ANO3: variants seen among roughly 807,000 people sequenced by gnomAD.
The protein encoded by ANO3 is anoctamin-3.
A neutral mutation model predicts 144.8 loss-of-function variants in ANO3; 99 were observed. The ratio of observed to expected loss-of-function variants is 0.68; its 90% CI spans 0.58 to 0.81. The LOEUF is 0.81. ANO3 is among the 30% of genes least tolerant of loss of function. The probability of loss-of-function intolerance (pLI) is 0.00; values close to 1 mark genes in which losing one functional copy is unlikely to be tolerated. For synonymous variants in ANO3, 414 were observed against 392.6 expected (o/e 1.05, Z -0.64); for missense variants, 905 against 1,202.2 (o/e 0.75, Z 3.66).
intron 4 of ANO3, among the ~76,000 whole-genome samples, chr11:26,471,808 A>G (rs1329227028): frequency 6.6e-6 from 1 of 151,988 alleles, no homozygotes; most frequent in Non-Finnish European, 1.5e-5. Flanking sequence ...TATTTCATAT[A>G]TGATACAAAG....
chr11:26,510,026 C>A (rs890060672), intron 5 of ANO3, among the ~76,000 whole-genome samples: 1 of 150,646 alleles, frequency 6.6e-6, no homozygotes, highest in Non-Finnish European at 1.5e-5. Flanking sequence ...CCCAGCTACT[C>A]TGGAGGCTGA....
At chr11:26,339,671 G>A (rs1190540494) in intron 1 of ANO3, among the ~76,000 whole-genome samples, 1 of 152,108 alleles carries the variant, frequency 6.6e-6, no homozygotes, top group Non-Finnish European at 1.5e-5. Flanking sequence ...TTGATCATGG[G>A]TAGTTCCCTG....
intron 26 of ANO3, among the ~76,000 whole-genome samples, chr11:26,658,825 A>G (rs770592055): frequency 1.6e-4 from 25 of 152,170 alleles, no homozygotes; most frequent in Non-Finnish European, 2.8e-4. Context: ...TCTACTTTGC[A>G]GTACAGTCTC....
chr11:26,556,369 A>C (rs559266242), intron 13 of ANO3, among the ~76,000 whole-genome samples: 1 of 144,808 alleles, frequency 6.9e-6, no homozygotes, highest in South Asian at 2.3e-4. Context: ...TTTAACAAAC[A>C]TGTACTCAAT....
At chr11:26,406,550 G>A (rs1027805693) in intron 1 of ANO3, among the ~76,000 whole-genome samples, 1 of 151,736 alleles carries the variant, frequency 6.6e-6, no homozygotes, top group Non-Finnish European at 1.5e-5. Context: ...CAGTTCATAT[G>A]GATCTACCTC....
At chr11:26,644,228 C>G (rs544334054) in intron 23 of ANO3, among the ~76,000 whole-genome samples, 2 of 152,286 alleles carry the variant, frequency 1.3e-5, no homozygotes, top group Admixed American at 1.3e-4. Context: ...ATCCAATATG[C>G]TATTTCATAA....
At chr11:26,258,709 G>A (rs1421487980) in intron 1 of ANO3, among the ~76,000 whole-genome samples, 1 of 152,134 alleles carries the variant, frequency 6.6e-6, no homozygotes, top group African/African-American at 2.4e-5. Flanking sequence ...ACAGAATTAA[G>A]ATGCAAGGTT....
chr11:26,549,431 G>A (rs1051113490), intron 12 of ANO3, among the ~76,000 whole-genome samples: 1 of 151,892 alleles, frequency 6.6e-6, no homozygotes, highest in African/African-American at 2.4e-5. Flanking sequence ...ATGGTGGGTG[G>A]GGGAAGGAGA....
rs1469443044 is a variant in ANO3, at chr11:26,608,393, C to T, written c.1836+8679C>T. On this transcript the variant is annotated intron_variant, in intron 17 of 26. Coordinates refer to ENST00000256737, the MANE Select transcript of ANO3 (RefSeq NM_031418.4). ...CTCCTGCATAGGGTGTCTGACAACC[C>T]CTGCTGGAGGGTCTCACTCAGTTGG... 2.0e-5 allele frequency among the ~76,000 whole-genome samples: 3 copies of T among 152,100 alleles called. 1 individual carries two copies. Among genetic ancestry groups the T allele is most frequent in the Admixed American group, 2.0e-4 (3 of 15,274 alleles).
At chr11:26,349,072 T>A (rs965855478) in intron 1 of ANO3, among the ~76,000 whole-genome samples, 2 of 152,216 alleles carry the variant, frequency 1.3e-5, no homozygotes, top group Non-Finnish European at 2.9e-5. Flanking sequence ...GAAAATGTCA[T>A]GGGCTTCTTA....
chr11:26,443,707 T>A (rs1858608952), intron 2 of ANO3, 58 bp from the exon 3 acceptor site: 2 of 1,023,118 alleles, frequency 2.0e-6, no homozygotes, highest in Admixed American at 2.4e-5. Flanking sequence ...ACCATGGTTA[T>A]TTTTCTGTTG....
At chr11:26,490,308 G>C (rs1345365879) in intron 4 of ANO3, among the ~76,000 whole-genome samples, 1 of 152,188 alleles carries the variant, frequency 6.6e-6, no homozygotes, top group Non-Finnish European at 1.5e-5. Context: ...ATGTGGAACT[G>C]TAAATCCAAT....
At chr11:26,643,862 G>A (rs115595609) in intron 23 of ANO3, among the ~76,000 whole-genome samples, 9,590 of 152,042 alleles carry the variant, frequency 0.063, 394 homozygotes, top group Middle Eastern at 0.14. Flanking sequence ...TCCCCTTTTC[G>A]CTTTCCTACC....
At chr11:26,288,863 G>A (rs961833469) in intron 1 of ANO3, among the ~76,000 whole-genome samples, 20 of 152,054 alleles carry the variant, frequency 1.3e-4, no homozygotes, top group African/African-American at 4.6e-4. Context: ...GTCCCTCTGG[G>A]AAGCTACAAT....
In ANO3 at chr11:26,337,527, G is replaced by A. The variant is rs182464948; in HGVS notation, c.46+5206G>A. On this transcript the variant is annotated intron_variant, in intron 1 of 26. Transcript: ENST00000256737. ...ATTCTGCACATGGATGTTTCTGAAA[G>A]TAATATATTTGGAGTTGATGATTAT... Among the ~76,000 whole-genome samples the A allele has an allele frequency of 2.0e-5, 3 of 152,248 alleles. No homozygotes were observed. In the East Asian group the frequency reaches 5.8e-4, roughly 29 times the overall value.
intron 26 of ANO3, among the ~76,000 whole-genome samples, chr11:26,659,450 T>G (rs1853808496): frequency 6.6e-6 from 1 of 151,974 alleles, no homozygotes; most frequent in African/African-American, 2.4e-5. Context: ...TCCCAGCACT[T>G]TGGGAGGCCA....
At chr11:26,367,198 C>A (rs1856117212) in intron 1 of ANO3, among the ~76,000 whole-genome samples, 1 of 152,210 alleles carries the variant, frequency 6.6e-6, no homozygotes. Flanking sequence ...TAGGCATGGG[C>A]AAGCACTTTT....
intron 14 of ANO3, chr11:26,560,855 T>A (rs766980394): frequency 1.1e-5 from 5 of 452,302 alleles, no homozygotes; most frequent in Non-Finnish European, 1.9e-5. Flanking sequence ...GGCTACTTAG[T>A]AAATGCCTCA....
chr11:26,345,092 C>T (rs1411253834), intron 1 of ANO3, among the ~76,000 whole-genome samples: 2 of 151,970 alleles, frequency 1.3e-5, no homozygotes, highest in Admixed American at 1.3e-4. Flanking sequence ...ATGGAAATTA[C>T]CATATTGTCT....
Sources: allele counts gnomAD v4.1 joint callset (sites outside exome capture counted in the v4.1 genomes callset), GRCh38; gene constraint gnomAD v4.1.1; transcripts MANE v1.5; gene names NCBI Gene and HGNC (gene_info 2026-07-23, HGNC 2026-07-21).